Variants in ELP2 observed in about 807,000 individuals in gnomAD.
The protein encoded by ELP2 is elongator acetyltransferase complex subunit 2.
ELP2 carries 90 observed loss-of-function variants against 119.2 expected under a neutral mutation model. The observed-to-expected ratio is 0.75, with a 90% CI of 0.64 to 0.90. The LOEUF (loss-of-function observed/expected upper bound fraction) is 0.90. ELP2 is among the 40% of genes least tolerant of loss of function. The pLI is 0.00. For synonymous variants in ELP2, 339 were observed against 331.0 expected (o/e 1.02, Z -0.26); for missense variants, 921 against 967.8 (o/e 0.95, Z 0.64).
chr18:36,174,001 T>A (rs143084163), intron 21 of ELP2, among the ~76,000 whole-genome samples: 4 of 152,306 alleles, frequency 2.6e-5, no homozygotes, highest in African/African-American at 9.6e-5. Flanking sequence ...CATTGTGCAG[T>A]ACATTAAATC....
In ELP2 at chr18:36,167,014, G is replaced by A. The variant is rs2090927737; in HGVS notation, c.1955-87G>A. The A allele has an allele frequency of 3.0e-6, 4 of 1,349,424 alleles. No homozygotes were observed. The South Asian group carries it at 4.5e-5, about 15-fold the overall frequency. 83.6% of individuals were successfully genotyped at this position (1,349,424 alleles called of 1,614,324 possible). A position where few individuals can be genotyped will look rare whatever the true frequency, so the allele number is the denominator to read the frequency against. On this transcript the variant is annotated intron_variant, in intron 18 of 21. Transcript: ENST00000358232. ...TATAAATTGAATATTAAGTCATATGGTGTATATGGCACTTAAACATCACTT... is the reference window on the plus strand; with the variant it reads ...TATAAATTGAATATTAAGTCATATGATGTATATGGCACTTAAACATCACTT...
Position 36,129,954 on chromosome 18 carries a change from G to C in ELP2, c.21G>C (p.Glu7Asp). Reference sequence around the variant, plus strand: ...GCGACATGGTGGCACCCGTGCTGGAGACTTCTCACGTGTTTTGCTGCCCAA... The same window carrying C: ...GCGACATGGTGGCACCCGTGCTGGACACTTCTCACGTGTTTTGCTGCCCAA... MVAPVL[E>D]TSHVFCCPNR... The change falls in exon 1 of 22, where the codon GAG becomes GAC. Residue 7 changes from glutamate (E) to aspartate (D), a missense_variant. By Grantham distance (45) the Glu-to-Asp change is conservative. Transcript: ENST00000358232. 2 of 1,614,224 alleles carry C rather than the reference G, an allele frequency of 1.2e-6. No individual in the cohort carries two copies. Among genetic ancestry groups the C allele is most frequent in the Non-Finnish European group, 1.7e-6 (2 of 1,180,044 alleles).
At chr18:36,131,413 C>G (rs993066324) in intron 1 of ELP2, among the ~76,000 whole-genome samples, 1 of 152,266 alleles carries the variant, frequency 6.6e-6, no homozygotes, top group Non-Finnish European at 1.5e-5. Context: ...CCCACAGCGT[C>G]TCCTCATCCA....
At chr18:36,133,720 A>G (rs2089716803) in intron 2 of ELP2, among the ~76,000 whole-genome samples, 1 of 76,166 alleles carries the variant, frequency 1.3e-5, no homozygotes, top group African/African-American at 3.7e-5. Flanking sequence ...TTATTTACTT[A>G]TTTATTTATT....
At chr18:36,168,662 A>G (rs2090977744) in intron 19 of ELP2, among the ~76,000 whole-genome samples, 2 of 152,134 alleles carry the variant, frequency 1.3e-5, no homozygotes, top group African/African-American at 2.4e-5. Flanking sequence ...CTCCCACAAC[A>G]TACAGGGATT....
intron 18 of ELP2, chr18:36,166,863 T>A (rs1466215020): frequency 3.4e-6 from 1 of 292,304 alleles, no homozygotes; most frequent in Non-Finnish European, 6.3e-6. Flanking sequence ...GGAAGATGTT[T>A]GTCATCAGTC....
chr18:36,149,493 T>G lies in ELP2; in HGVS notation c.1125+3112T>G, dbSNP rs559366707. ...AGGGTTTTTTGTTTTGTTTTGTTTT[T>G]TTTTTTTTTGCTTAGAAATCATCCC... is the stretch of plus-strand genomic sequence containing the variant. On this transcript the variant is annotated intron_variant, in intron 11 of 21. Transcript: ENST00000358232. Among the ~76,000 whole-genome samples the G allele has an allele frequency of 3.0e-3, 438 of 147,230 alleles. 12 individuals are homozygous for G. Among genetic ancestry groups the G allele is most frequent in the African/African-American group, 0.01 (418 of 40,250 alleles).
At chr18:36,131,926 C>G (rs1180058932) in intron 1 of ELP2, among the ~76,000 whole-genome samples, 4 of 128,348 alleles carry the variant, frequency 3.1e-5, no homozygotes, top group African/African-American at 8.6e-5. Flanking sequence ...ATTTGCTGGT[C>G]GGGCTTTTTT....
At chr18:36,143,864 TA>T (rs2090118750) in intron 8 of ELP2, among the ~76,000 whole-genome samples, 1 of 152,250 alleles carries the variant, frequency 6.6e-6, no homozygotes, top group Non-Finnish European at 1.5e-5. Context: ...AGTTTTAGCA[TA>T]GGAAGACCTA....
intron 2 of ELP2, among the ~76,000 whole-genome samples, chr18:36,134,447 C>T: frequency 6.6e-6 from 1 of 152,058 alleles, no homozygotes; most frequent in African/African-American, 2.4e-5. Context: ...TAAAATAGTT[C>T]CTCTCTTTCA....
At chr18:36,173,148 A>G (rs1401412222) in intron 21 of ELP2, among the ~76,000 whole-genome samples, 1 of 152,250 alleles carries the variant, frequency 6.6e-6, no homozygotes, top group Non-Finnish European at 1.5e-5. Context: ...TCCCTTGGAA[A>G]GAGTTATACC....
chr18:36,151,346 G>T (rs1425853941), intron 11 of ELP2, among the ~76,000 whole-genome samples: 1 of 151,866 alleles, frequency 6.6e-6, no homozygotes, highest in Admixed American at 6.6e-5. Context: ...GCCTCCCAAA[G>T]TGCTGAGATT....
chr18:36,154,608 A>AT (rs2090503845), intron 11 of ELP2, among the ~76,000 whole-genome samples: 1 of 152,242 alleles, frequency 6.6e-6, no homozygotes, highest in Admixed American at 6.5e-5. Context: ...TGCTCAATAA[A>AT]TGATGAATGG....
chr18:36,162,405 C>T, intron 17 of ELP2, among the ~76,000 whole-genome samples: 1 of 151,998 alleles, frequency 6.6e-6, no homozygotes, highest in South Asian at 2.1e-4. Context: ...TAGTTCATGC[C>T]TTCTTAATGC....
chr18:36,144,511 G>A (rs1296657195), intron 8 of ELP2, among the ~76,000 whole-genome samples: 1 of 152,114 alleles, frequency 6.6e-6, no homozygotes, highest in Non-Finnish European at 1.5e-5. Flanking sequence ...GTGGGACTTA[G>A]GGGGATTACA....
At chr18:36,142,222 C>T in intron 6 of ELP2, 59 bp from the exon 7 acceptor site, 1 of 1,355,402 alleles carries the variant, frequency 7.4e-7, no homozygotes, top group Non-Finnish European at 1.1e-6. Context: ...AATGATGTCA[C>T]TGGTATACAT....
chr18:36,134,020 C>T (rs2144568538), intron 2 of ELP2, among the ~76,000 whole-genome samples: 1 of 143,356 alleles, frequency 7.0e-6, no homozygotes, highest in Middle Eastern at 4.0e-3. Flanking sequence ...CACCATTCTC[C>T]TGCCTTGCTC....
chr18:36,135,629 A>C (rs1220695468), intron 2 of ELP2, among the ~76,000 whole-genome samples: 4 of 152,214 alleles, frequency 2.6e-5, no homozygotes, highest in Non-Finnish European at 4.4e-5. Flanking sequence ...AAGTATTTAA[A>C]AGATCTATTT....
chr18:36,172,344 T>C (rs912262815), intron 21 of ELP2, among the ~76,000 whole-genome samples: 3 of 152,180 alleles, frequency 2.0e-5, no homozygotes, highest in Non-Finnish European at 4.4e-5. Context: ...CCTTCGTATA[T>C]CTGTACTGTT....
Sources: allele counts gnomAD v4.1 joint callset (sites outside exome capture counted in the v4.1 genomes callset), GRCh38; gene constraint gnomAD v4.1.1; transcripts MANE v1.5; gene names NCBI Gene and HGNC (gene_info 2026-07-23, HGNC 2026-07-21).